The following SLC29A4 variants were observed in gnomAD, a reference collection of about 807,000 sequenced individuals.
SLC29A4 encodes the protein equilibrative nucleoside transporter 4.
SLC29A4 carries 36 observed loss-of-function variants against 43.9 expected under a neutral mutation model. The observed-to-expected ratio is 0.82, with a 90% CI of 0.63 to 1.08. SLC29A4 has a LOEUF of 1.08. SLC29A4 is among the 50% of genes least tolerant of loss of function. SLC29A4 has a pLI of 0.00. For synonymous variants in SLC29A4, 491 were observed against 338.0 expected (o/e 1.45, Z -4.97); for missense variants, 869 against 755.3 (o/e 1.15, Z -1.77).
In SLC29A4 at chr7:5,304,732, G is replaced by GATCTCAAGTGATCC. The variant is rs1786395614; in HGVS notation, c.*1798_*1811dup. 1 of 152,190 alleles carries GATCTCAAGTGATCC rather than the reference G, an allele frequency of 6.6e-6. No individual in the cohort carries two copies. The highest frequency in any genetic ancestry group is 6.6e-5 in the Admixed American group (1 of 15,266). 9.4% of individuals were successfully genotyped at this position (152,190 alleles called of 1,614,324 possible). Reference sequence around the variant, plus strand: ...TTGGCCATGCTGGTCTCGAACTCCTGATCTCAAGTGATCCATCTGTCTCAT... The same window carrying GATCTCAAGTGATCC: ...TTGGCCATGCTGGTCTCGAACTCCTGATCTCAAGTGATCCATCTCAAGTGATCCATCTGTCTCAT... On this transcript the variant is annotated 3_prime_UTR_variant, in exon 11 of 11. Transcript: ENST00000396872.
chr7:5,292,958 CA>C (rs1282637092), intron 5 of SLC29A4, among the ~76,000 whole-genome samples: 4 of 151,616 alleles, frequency 2.6e-5, no homozygotes, highest in African/African-American at 9.7e-5. Context: ...CTCAGCCTCC[CA>C]AAGTGCTGGT....
chr7:5,286,776 C>T (rs989484552), intron 1 of SLC29A4, among the ~76,000 whole-genome samples: 1 of 152,204 alleles, frequency 6.6e-6, no homozygotes, highest in African/African-American at 2.4e-5. Flanking sequence ...AAGTGCCACA[C>T]AGACCTGGGT....
In SLC29A4 at chr7:5,303,244, C is replaced by T; in HGVS notation, c.*305C>T. Reference sequence around the variant, plus strand: ...CCCCGGCTCCAGCCCAGCCAGCACTCTGCAGGGTCACACGCACCGTGTCCC... The same window carrying T: ...CCCCGGCTCCAGCCCAGCCAGCACTTTGCAGGGTCACACGCACCGTGTCCC... On this transcript the variant is annotated 3_prime_UTR_variant, in exon 11 of 11. Coordinates refer to ENST00000396872, the MANE Select transcript of SLC29A4 (RefSeq NM_153247.4). 1 of 488,566 alleles carries T rather than the reference C, an allele frequency of 2.0e-6. No homozygotes were observed. The highest frequency in any genetic ancestry group is 3.7e-6 in the Non-Finnish European group (1 of 270,358). 30.3% of individuals were successfully genotyped at this position (488,566 alleles called of 1,614,324 possible).
rs1442716450 is a variant in SLC29A4, at chr7:5,304,088, T to C, written c.*1149T>C. 6.6e-6 allele frequency: 1 copy of C among 152,386 alleles called. No homozygotes were observed. Among genetic ancestry groups the C allele is most frequent in the East Asian group, 1.9e-4 (1 of 5,190 alleles). The allele number at this position is 152,386 out of a possible 1,614,324, so 9.4% of individuals were successfully genotyped here. On this transcript the variant is annotated 3_prime_UTR_variant, in exon 11 of 11. Coordinates refer to ENST00000396872, the MANE Select transcript of SLC29A4 (RefSeq NM_153247.4). ...GCCGCCTGCAAGCAGAGTTTGTGCG[T>C]GGACGGGGGCTGGGACTGCCATCTC...
At chr7:5,301,983 C>T (rs968500386) in intron 10 of SLC29A4, among the ~76,000 whole-genome samples, 3 of 152,062 alleles carry the variant, frequency 2.0e-5, no homozygotes, top group South Asian at 2.1e-4. Flanking sequence ...TGGAGTCTTG[C>T]TCTGTTCCCC....
chr7:5,295,207 C>A (rs190096576), intron 6 of SLC29A4, among the ~76,000 whole-genome samples: 5 of 152,240 alleles, frequency 3.3e-5, no homozygotes, highest in African/African-American at 1.2e-4. Flanking sequence ...AAGCTTATGT[C>A]TCTGAGCATG....
rs74819003 is a variant in SLC29A4, at chr7:5,299,268, G to A, written c.1050G>A (p.Ala350=). 2.2e-5 allele frequency: 36 copies of A among 1,612,048 alleles called. No homozygotes were observed. The highest frequency in any genetic ancestry group is 2.7e-5 in the Non-Finnish European group (32 of 1,179,962). Residue 350 remains alanine (A), a synonymous_variant, in exon 9 of 11, where the codon GCG becomes GCA. Coordinates refer to ENST00000396872, the MANE Select transcript of SLC29A4 (RefSeq NM_153247.4). ...RALLLHRYVV[A]RVIWADMLSI... is the part of the protein sequence containing the mutation. ...TGTTACTGCACCGCTACGTGGTGGC[G>A]CGGGTGATCTGGGCCGACATGCTCT...
chr7:5,299,213 C>A, intron 8 of SLC29A4, 27 bp from the exon 9 acceptor site: 1 of 1,603,406 alleles, frequency 6.2e-7, no homozygotes, highest in South Asian at 1.1e-5. Flanking sequence ...TGGGCGCTGC[C>A]TCTGACCCCC....
At chr7:5,301,156 C>T (rs542586429) in intron 10 of SLC29A4, among the ~76,000 whole-genome samples, 15 of 151,582 alleles carry the variant, frequency 9.9e-5, no homozygotes, top group Admixed American at 3.9e-4. Context: ...CCCAGCTACT[C>T]GGGAGGCTGA....
chr7:5,298,466 A>G (rs2685753), intron 7 of SLC29A4, among the ~76,000 whole-genome samples: 41,488 of 151,960 alleles, frequency 0.27, 5,991 homozygotes, highest in African/African-American at 0.33. Context: ...GAGGGTTCAC[A>G]GGAATGATGA....
rs1179540349 is a variant in SLC29A4 at position 5,283,094 on chromosome 7, C to CCGCGGGA, written c.-9+19_-9+25dup. On this transcript the variant is annotated intron_variant, in intron 1 of 10. Coordinates refer to ENST00000396872, the MANE Select transcript of SLC29A4 (RefSeq NM_153247.4). ...CGGGCCGGGCCGAGGTAAGCGGTGG[C>CCGCGGGA]CGCGGGACGCGGGGAGACGCCGGCG... The CCGCGGGA allele has an allele frequency of 2.7e-5, 4 of 148,734 alleles. No individual in the cohort carries two copies. The highest frequency in any genetic ancestry group is 9.8e-5 in the African/African-American group (4 of 40,972). 9.2% of individuals were successfully genotyped at this position (148,734 alleles called of 1,614,324 possible).
At chr7:5,296,451 C>CTGGGGGCACCCGGAGT (rs1451449867) in intron 6 of SLC29A4, among the ~76,000 whole-genome samples, 2 of 135,216 alleles carry the variant, frequency 1.5e-5, no homozygotes, top group Non-Finnish European at 3.2e-5. Flanking sequence ...TGGGGCGGAG[C>CTGGGGGCACCCGGAGT]TGGGGGCACC....
chr7:5,296,214 C>T (rs968587153), intron 6 of SLC29A4, among the ~76,000 whole-genome samples: 4 of 152,068 alleles, frequency 2.6e-5, no homozygotes, highest in African/African-American at 9.7e-5. Context: ...TGCCCCCCAC[C>T]TCTGCGCGCC....
chr7:5,297,345 C>T lies in SLC29A4; in HGVS notation c.882+147C>T, dbSNP rs771987361. On this transcript the variant is annotated intron_variant, in intron 7 of 10. Coordinates refer to ENST00000396872, the MANE Select transcript of SLC29A4 (RefSeq NM_153247.4). ...GGTGGAGACTCCTTCCTGCCAGCCT[C>T]CTTTATTCTGTGTACTCTTACTGAT... is the stretch of plus-strand genomic sequence containing the variant. The T allele has an allele frequency of 2.2e-4, 217 of 989,446 alleles. 4 individuals carry two copies. In the South Asian group the frequency reaches 3.5e-3, roughly 16 times the overall value. The allele number at this position is 989,446 out of a possible 1,614,324, so 61.3% of individuals were successfully genotyped here.
chr7:5,297,288 C>T (rs987834888), intron 7 of SLC29A4, 90 bp downstream of exon 7: 5 of 1,383,792 alleles, frequency 3.6e-6, no homozygotes, highest in Admixed American at 2.8e-5. Context: ...CCCAGCCTCT[C>T]ACCTGCATCC....
chr7:5,293,895 A>G lies in SLC29A4; in HGVS notation c.545-965A>G, dbSNP rs370008400. ...GCTGAGGCGGACAGATCACGAGGTC[A>G]GGAGTTCGAGACCAGTCTGGCCAAC... On this transcript the variant is annotated intron_variant, in intron 5 of 10. Coordinates refer to ENST00000396872, the MANE Select transcript of SLC29A4 (RefSeq NM_153247.4). 2.0e-5 allele frequency among the ~76,000 whole-genome samples: 3 copies of G among 152,154 alleles called. No homozygotes were observed. In the East Asian group the frequency reaches 5.8e-4, roughly 29 times the overall value.
chr7:5,288,150 C>T (rs1785076690), intron 2 of SLC29A4, among the ~76,000 whole-genome samples, 165 bp downstream of exon 2: 1 of 152,168 alleles, frequency 6.6e-6, no homozygotes, highest in Non-Finnish European at 1.5e-5. Context: ...ACACGCCCAC[C>T]TTCTCAGTGT....
rs553253945 is a variant in SLC29A4, at chr7:5,294,960, A to G, written c.619+26A>G. ...GTGAGTATCTGCAGACCCCCCGGGG[A>G]GGGGGTGCTGGGCTGCCCTGGGCTC... On this transcript the variant is annotated intron_variant, in intron 6 of 10. Transcript: ENST00000396872. The G allele has an allele frequency of 2.6e-4, 409 of 1,588,918 alleles. No homozygotes were observed. The African/African-American group carries it at 5.0e-3, about 19-fold the overall frequency.
chr7:5,302,109 C>G (rs1786211690), intron 10 of SLC29A4, among the ~76,000 whole-genome samples: 1 of 152,144 alleles, frequency 6.6e-6, no homozygotes, highest in Non-Finnish European at 1.5e-5. Flanking sequence ...CCCCACCATA[C>G]CTGGCGAATG....
Sources: allele counts gnomAD v4.1 joint callset (sites outside exome capture counted in the v4.1 genomes callset), GRCh38; gene constraint gnomAD v4.1.1; transcripts MANE v1.5; gene names NCBI Gene and HGNC (gene_info 2026-07-23, HGNC 2026-07-21).